Variants in PDE8A observed in about 807,000 individuals in gnomAD.
The protein encoded by PDE8A is high affinity cAMP-specific and IBMX-insensitive 3',5'-cyclic phosphodiesterase 8A.
PDE8A carries 59 observed loss-of-function variants against 105.0 expected under a neutral mutation model. That is an observed-to-expected ratio of 0.56 (90% confidence interval 0.46 to 0.70). The LOEUF is 0.70. PDE8A is among the 30% of genes least tolerant of loss of function. The pLI, the probability that PDE8A is intolerant of heterozygous loss-of-function variation, is 0.00. For synonymous variants in PDE8A, 355 were observed against 371.9 expected (o/e 0.95, Z 0.52); for missense variants, 1,014 against 1,045.9 (o/e 0.97, Z 0.42).
intron 21 of PDE8A, 108 bp from the exon 22 acceptor site, chr15:85,137,689 C>T: frequency 2.8e-6 from 2 of 711,258 alleles, no homozygotes; most frequent in Non-Finnish European, 5.0e-6. Context: ...TGTTTAGCCT[C>T]ACGCAGATGC....
rs2081834619 is a variant in PDE8A, at chr15:85,100,081, C to T, written c.993+15C>T. 1.2e-6 allele frequency: 2 copies of T among 1,611,764 alleles called. No individual in the cohort carries two copies. The highest frequency in any genetic ancestry group is 8.5e-7 in the Non-Finnish European group (1 of 1,178,270). ...GCAACAATAAGGTACGTAAGGAGAG[C>T]CCCCCGGGGCCCCAGGAACACCCCA... is the stretch of plus-strand genomic sequence containing the variant. On this transcript the variant is annotated intron_variant, in intron 10 of 21. Transcript: ENST00000394553.
chr15:85,048,822 C>T (rs996952025), intron 1 of PDE8A, among the ~76,000 whole-genome samples: 2 of 152,142 alleles, frequency 1.3e-5, no homozygotes, highest in South Asian at 2.1e-4. Context: ...AAAACAAAGC[C>T]GGGCGCGGTG....
intron 5 of PDE8A, among the ~76,000 whole-genome samples, chr15:85,082,154 T>A (rs781532160): frequency 5.9e-5 from 9 of 152,170 alleles, no homozygotes; most frequent in Non-Finnish European, 1.0e-4. Context: ...TCTTGGCTGA[T>A]GGAGGTGTGG....
At chr15:85,126,520 C>T (rs770936636) in intron 20 of PDE8A, 146 bp downstream of exon 20, 15 of 495,440 alleles carry the variant, frequency 3.0e-5, no homozygotes, top group Non-Finnish European at 4.2e-5. Flanking sequence ...TAACTGGTAA[C>T]AAATTTTTTT....
Position 85,041,975 on chromosome 15 carries a change from G to A in PDE8A, c.187-22395G>A, listed in dbSNP as rs537602337. On this transcript the variant is annotated intron_variant, in intron 1 of 21. Transcript: ENST00000394553. ...CCCCAAGTTCCGTTTTCTTTTGAACGTAAGCAAATGACTTCCTTGATTTTT... is the reference window on the plus strand; with the variant it reads ...CCCCAAGTTCCGTTTTCTTTTGAACATAAGCAAATGACTTCCTTGATTTTT... Among the ~76,000 whole-genome samples the A allele has an allele frequency of 9.2e-5, 14 of 152,142 alleles. No homozygotes were observed. In the South Asian group the frequency reaches 2.1e-3, roughly 23 times the overall value.
At chr15:85,011,376 A>G (rs1238550878) in intron 1 of PDE8A, among the ~76,000 whole-genome samples, 1 of 152,128 alleles carries the variant, frequency 6.6e-6, no homozygotes, top group Non-Finnish European at 1.5e-5. Context: ...CCAAAACTCA[A>G]CCCTGTCTCT....
chr15:85,004,224 T>C (rs567094000), intron 1 of PDE8A, among the ~76,000 whole-genome samples: 1 of 152,340 alleles, frequency 6.6e-6, no homozygotes, highest in South Asian at 2.1e-4. Context: ...TTGGGTGGGA[T>C]TGAGCTCATT....
At chr15:85,112,819 T>C (rs117661294) in intron 12 of PDE8A, among the ~76,000 whole-genome samples, 1,608 of 152,266 alleles carry the variant, frequency 0.011, 9 homozygotes, top group Non-Finnish European at 0.016. Context: ...CAACAGAAAT[T>C]AACAAACTTT....
intron 1 of PDE8A, among the ~76,000 whole-genome samples, chr15:85,006,042 G>C (rs1451515091): frequency 1.3e-5 from 2 of 151,842 alleles, no homozygotes; most frequent in Non-Finnish European, 2.9e-5. Context: ...AATGACTCAG[G>C]AGAAGTACAG....
At chr15:85,018,208 C>G (rs571801011) in intron 1 of PDE8A, among the ~76,000 whole-genome samples, 1 of 152,222 alleles carries the variant, frequency 6.6e-6, no homozygotes, top group South Asian at 2.1e-4. Context: ...TATAGGCAAA[C>G]TTGGGATATA....
At chr15:85,083,419 T>G in intron 5 of PDE8A, 137 bp from the exon 6 acceptor site, 1 of 580,876 alleles carries the variant, frequency 1.7e-6, no homozygotes, top group Non-Finnish European at 3.1e-6. Context: ...CTCTCTTACC[T>G]TCTGTTCATC....
intron 11 of PDE8A, among the ~76,000 whole-genome samples, chr15:85,103,386 G>A (rs544371562): frequency 1.3e-5 from 2 of 152,102 alleles, no homozygotes; most frequent in East Asian, 1.9e-4. Flanking sequence ...CTTGGTCACC[G>A]TTGACTTAGG....
rs185961860 is a variant in PDE8A at position 84,982,869 on chromosome 15, A to G, written c.186+521A>G. Among the ~76,000 whole-genome samples the G allele has an allele frequency of 4.6e-5, 7 of 152,340 alleles. No homozygotes were observed. The East Asian group carries it at 9.6e-4, about 21-fold the overall frequency. On this transcript the variant is annotated intron_variant, in intron 1 of 21. Transcript: ENST00000394553. ...CGGGACTGCTAGAATGTAATCTGGA[A>G]CATCAGCTTTGCTTCATTGCACATG...
chr15:85,021,189 A>G (rs1461593761), intron 1 of PDE8A, among the ~76,000 whole-genome samples: 1 of 152,180 alleles, frequency 6.6e-6, no homozygotes, highest in Non-Finnish European at 1.5e-5. Flanking sequence ...GTAGGCCCTC[A>G]CCAGACACTG....
intron 1 of PDE8A, among the ~76,000 whole-genome samples, chr15:85,044,103 G>A (rs1381377815): frequency 6.6e-6 from 1 of 152,172 alleles, no homozygotes; most frequent in African/African-American, 2.4e-5. Flanking sequence ...AAGCTTCTTG[G>A]AAAATATTTG....
intron 8 of PDE8A, among the ~76,000 whole-genome samples, chr15:85,096,242 A>T (rs1303977682): frequency 6.6e-6 from 1 of 151,758 alleles, no homozygotes; most frequent in Non-Finnish European, 1.5e-5. Flanking sequence ...CTCTTTTTTT[A>T]ATGTAACAGT....
At chr15:85,131,082 A>G (rs950713581) in intron 20 of PDE8A, among the ~76,000 whole-genome samples, 2 of 152,134 alleles carry the variant, frequency 1.3e-5, no homozygotes, top group African/African-American at 4.8e-5. Flanking sequence ...CATAAAGTTT[A>G]TTTTGTCTTT....
intron 1 of PDE8A, among the ~76,000 whole-genome samples, chr15:85,040,386 A>AAG (rs2080783894): frequency 6.7e-6 from 1 of 150,320 alleles, no homozygotes; most frequent in Non-Finnish European, 1.5e-5. Context: ...AAAAAAAAAA[A>AAG]AAAAGAAAAG....
Position 85,126,413 on chromosome 15 carries a change from G to T in PDE8A, c.2253+39G>T, listed in dbSNP as rs777943904. ...TCTTTTAAGTTTCTAGAGAGAGAGA[G>T]AGTTAAAACCCATAAAATCATACGA... On this transcript the variant is annotated intron_variant, in intron 20 of 21. Coordinates refer to ENST00000394553, the MANE Select transcript of PDE8A (RefSeq NM_002605.3). 70 of 1,391,884 alleles carry T rather than the reference G, an allele frequency of 5.0e-5. No homozygotes were observed. In the Middle Eastern group the frequency reaches 2.2e-3, roughly 45 times the overall value. The allele number at this position is 1,391,884 out of a possible 1,614,324, so 86.2% of individuals were successfully genotyped here.
Sources: gnomAD v4.1 joint callset for allele counts (sites outside exome capture counted in the v4.1 genomes callset) on GRCh38, gnomAD v4.1.1 for gene constraint, MANE v1.5 for transcripts, NCBI Gene and HGNC (gene_info 2026-07-23, HGNC 2026-07-21) for gene names.